Variants in LRRC4C observed in about 807,000 individuals in gnomAD.
LRRC4C encodes the protein leucine rich repeat containing 4C.
In LRRC4C, 5 loss-of-function variants were observed where a neutral mutation model predicts 33.6. The observed-to-expected ratio is 0.15, with a 90% CI of 0.08 to 0.31. The LOEUF (loss-of-function observed/expected upper bound fraction) is 0.31. Ranked by LOEUF, LRRC4C falls within the 10% of genes least tolerant of loss-of-function variation. The probability of loss-of-function intolerance (pLI) is 1.00; values close to 1 mark genes in which losing one functional copy is unlikely to be tolerated. For missense variants in LRRC4C, 560 were observed against 796.7 expected (o/e 0.70, Z 3.58); for synonymous variants, 329 against 302.0 (o/e 1.09, Z -0.93).
intron 1 of LRRC4C, among the ~76,000 whole-genome samples, chr11:41,147,061 T>C (rs1275446807): frequency 6.6e-6 from 1 of 152,222 alleles, no homozygotes; most frequent in Non-Finnish European, 1.5e-5. Flanking sequence ...AATGGAAATA[T>C]ACTTGCATTT....
intron 1 of LRRC4C, among the ~76,000 whole-genome samples, chr11:41,107,829 C>G (rs1354694411): frequency 6.6e-6 from 1 of 151,970 alleles, no homozygotes; most frequent in East Asian, 1.9e-4. Context: ...CCCAGCTACT[C>G]AGAAGGCTGA....
chr11:40,966,715 A>G (rs1208285762), intron 1 of LRRC4C, among the ~76,000 whole-genome samples: 1 of 151,734 alleles, frequency 6.6e-6, no homozygotes, highest in Non-Finnish European at 1.5e-5. Flanking sequence ...TTTTCTCTTC[A>G]TTGATGTTGT....
chr11:41,454,526 A>AT (rs1375803382), intron 1 of LRRC4C, among the ~76,000 whole-genome samples: 1 of 152,102 alleles, frequency 6.6e-6, no homozygotes, highest in South Asian at 2.1e-4. Context: ...ACAAAATGAG[A>AT]TTTTAGATAA....
intron 1 of LRRC4C, among the ~76,000 whole-genome samples, chr11:41,436,511 A>G (rs149173031): frequency 2.0e-4 from 31 of 152,332 alleles, no homozygotes; most frequent in African/African-American, 7.2e-4. Flanking sequence ...CAAATTCTTG[A>G]CCTGTCAAAG....
chr11:41,398,774 T>A (rs1219486042), intron 1 of LRRC4C, among the ~76,000 whole-genome samples: 1 of 151,934 alleles, frequency 6.6e-6, no homozygotes, highest in African/African-American at 2.4e-5. Context: ...ACAGGCCTAA[T>A]TCTACCATGG....
chr11:40,573,364 T>C (rs2135578118), intron 3 of LRRC4C, among the ~76,000 whole-genome samples: 1 of 152,300 alleles, frequency 6.6e-6, no homozygotes, highest in East Asian at 1.9e-4. Context: ...TGTTCATCCT[T>C]TATAGCCTCT....
intron 2 of LRRC4C, among the ~76,000 whole-genome samples, chr11:40,770,251 T>C (rs1395030293): frequency 7.9e-5 from 12 of 152,122 alleles, no homozygotes; most frequent in Non-Finnish European, 1.2e-4. Flanking sequence ...AGCAAACACA[T>C]GCTTTTTCAT....
intron 1 of LRRC4C, among the ~76,000 whole-genome samples, chr11:41,271,503 C>A (rs1177973759): frequency 6.6e-6 from 1 of 151,864 alleles, no homozygotes; most frequent in African/African-American, 2.4e-5. Context: ...GGCTGGCTCT[C>A]AACCCTTCAA....
At chr11:40,232,203 G>A (rs1053453319) in intron 5 of LRRC4C, among the ~76,000 whole-genome samples, 6 of 152,026 alleles carry the variant, frequency 3.9e-5, no homozygotes, top group Non-Finnish European at 7.4e-5. Flanking sequence ...ACGAGGTTTC[G>A]CCATGTTGGG....
chr11:40,367,596 C>T (rs916306463), intron 3 of LRRC4C, among the ~76,000 whole-genome samples: 8 of 151,992 alleles, frequency 5.3e-5, no homozygotes, highest in African/African-American at 1.4e-4. Flanking sequence ...AAGGTAGAAA[C>T]CAACATATCG....
intron 1 of LRRC4C, among the ~76,000 whole-genome samples, chr11:41,177,936 A>G (rs1451173144): frequency 1.3e-5 from 2 of 152,322 alleles, no homozygotes; most frequent in Non-Finnish European, 2.9e-5. Flanking sequence ...GGTGGAGAAG[A>G]GGTCCAACTA....
chr11:40,293,181 A>C (rs1225497534), intron 4 of LRRC4C: 4 of 132,260 alleles, frequency 3.0e-5, no homozygotes, highest in Non-Finnish European at 6.4e-5. Flanking sequence ...TCATAATCTC[A>C]CGTTAAATGG....
chr11:40,935,938 G>T (rs925291192), intron 1 of LRRC4C, among the ~76,000 whole-genome samples: 1 of 146,232 alleles, frequency 6.8e-6, no homozygotes. Context: ...TCTTTAAAGG[G>T]AGCTGAGTAA....
intron 1 of LRRC4C, among the ~76,000 whole-genome samples, chr11:41,417,140 G>T (rs992550489): frequency 2.6e-5 from 4 of 152,016 alleles, no homozygotes; most frequent in Non-Finnish European, 5.9e-5. Flanking sequence ...GTGAGGAAAT[G>T]CCATCAATAC....
chr11:41,127,200 A>G (rs1310776844), intron 1 of LRRC4C, among the ~76,000 whole-genome samples: 2 of 151,864 alleles, frequency 1.3e-5, no homozygotes, highest in Non-Finnish European at 2.9e-5. Context: ...AATCAAATAT[A>G]CTGCCAGGCC....
chr11:40,611,975 T>C (rs1961267715), intron 3 of LRRC4C, among the ~76,000 whole-genome samples: 1 of 151,864 alleles, frequency 6.6e-6, no homozygotes. Context: ...TCTGAAACAG[T>C]CTGGGTCTTC....
At chr11:40,321,404 T>C (rs1945843701) in intron 3 of LRRC4C, among the ~76,000 whole-genome samples, 1 of 152,210 alleles carries the variant, frequency 6.6e-6, no homozygotes, top group Non-Finnish European at 1.5e-5. Context: ...AAGCTTGCAT[T>C]ATACTTCTAA....
intron 3 of LRRC4C, among the ~76,000 whole-genome samples, chr11:40,628,879 T>C (rs1289849505): frequency 1.3e-5 from 2 of 152,202 alleles, no homozygotes; most frequent in African/African-American, 4.8e-5. Flanking sequence ...CTTCAATTAG[T>C]ACATTGATTA....
At chr11:40,981,200 G>A (rs1431516036) in intron 1 of LRRC4C, among the ~76,000 whole-genome samples, 1 of 152,114 alleles carries the variant, frequency 6.6e-6, no homozygotes, top group African/African-American at 2.4e-5. Context: ...TGGATCACGA[G>A]GTCAGGAGAT....
Sources: gnomAD v4.1 joint callset for allele counts (sites outside exome capture counted in the v4.1 genomes callset) on GRCh38, gnomAD v4.1.1 for gene constraint, MANE v1.5 for transcripts, NCBI Gene and HGNC (gene_info 2026-07-23, HGNC 2026-07-21) for gene names.